DGKK: variants seen among roughly 807,000 people sequenced by gnomAD.
The protein encoded by DGKK is 142 kDa diacylglycerol kinase.
In DGKK, 35 loss-of-function variants were observed where a neutral mutation model predicts 92.2. That is an observed-to-expected ratio of 0.38 (90% CI 0.29 to 0.50). The LOEUF is 0.50. Among genes scored for constraint, DGKK ranks in the 20% least tolerant of loss-of-function variants. The pLI, the probability that DGKK is intolerant of heterozygous loss-of-function variation, is 0.92. For missense variants in DGKK, 910 were observed against 992.2 expected, an observed-to-expected ratio of 0.92 and a Z score of 1.11; for synonymous variants, 368 against 360.6, an observed-to-expected ratio of 1.02 and a Z score of -0.23.
intron 1 of DGKK, among the ~76,000 whole-genome samples, chrX:50,452,590 AC>A (rs1557232555): frequency 8.9e-6 from 1 of 111,904 alleles, no homozygotes; most frequent in Admixed American, 9.5e-5. Flanking sequence ...TTGTTAAAAA[AC>A]AGTAGTAAGC....
At chrX:50,401,802 C>A (rs1209230638) in intron 7 of DGKK, among the ~76,000 whole-genome samples, 1 of 110,859 alleles carries the variant, frequency 9.0e-6, no homozygotes, top group African/African-American at 3.3e-5. Context: ...GCCCATACTT[C>A]AGTTTCTTCT....
intron 1 of DGKK, 135 bp downstream of exon 1, chrX:50,469,899 C>T (rs1055252511): frequency 3.9e-5 from 41 of 1,050,172 alleles, no homozygotes; most frequent in Admixed American, 8.0e-5. Context: ...TTCCCCATCC[C>T]TGCATCTTTC....
At position 50,384,833 on chromosome X, in the gene DGKK, A is replaced by G; in HGVS notation, c.2348-9T>C. 1 of 1,178,741 alleles carries G rather than the reference A, an allele frequency of 8.5e-7. No homozygotes were observed. The highest frequency in any genetic ancestry group is 1.9e-5 in the South Asian group (1 of 53,319). Reference sequence around the variant, plus strand: ...GCTTTCCTCATCCAGAGCTATAGAGAAAAGTGGGAGGAAGGAAAGCAAAAA... The same window carrying G: ...GCTTTCCTCATCCAGAGCTATAGAGGAAAGTGGGAGGAAGGAAAGCAAAAA... On this transcript the variant is annotated splice_polypyrimidine_tract_variant and intron_variant, in intron 15 of 27. Transcript: ENST00000611977.
At chrX:50,442,976 A>T (rs1411261629) in intron 1 of DGKK, among the ~76,000 whole-genome samples, 1 of 111,523 alleles carries the variant, frequency 9.0e-6, no homozygotes, top group Admixed American at 9.5e-5. Context: ...ATGGCCACTT[A>T]CTTCATGGCT....
chrX:50,373,061 A>G (rs1431045232), intron 25 of DGKK, among the ~76,000 whole-genome samples: 6 of 111,903 alleles, frequency 5.4e-5, no homozygotes, highest in African/African-American at 1.9e-4. Flanking sequence ...GTGCCGACAA[A>G]TAATGTTTTT....
rs781903574 is a variant in DGKK at position 50,405,527 on chromosome X, GGAGAGAGAGA to G, written c.943-1353_943-1344del. Among the ~76,000 whole-genome samples, 15 of 100,983 alleles carry G rather than the reference GGAGAGAGAGA, an allele frequency of 1.5e-4. No homozygotes were observed. The East Asian group carries it at 3.1e-3, about 21-fold the overall frequency. The allele number at this position is 100,983 out of a possible 115,157, so 87.7% of individuals were successfully genotyped here. On this transcript the variant is annotated intron_variant, in intron 4 of 27. Coordinates refer to ENST00000611977, the MANE Select transcript of DGKK (RefSeq NM_001013742.4). ...TTTCTGACATCAGTTGACAGTGGGG[GGAGAGAGAGA>G]GAGAGAGAGAGAGAGAGAGAGCTAG...
intron 1 of DGKK, among the ~76,000 whole-genome samples, chrX:50,441,027 C>T (rs181362748): frequency 1.1e-3 from 118 of 111,496 alleles, no homozygotes; most frequent in African/African-American, 3.6e-3. Flanking sequence ...CTTTAGTGTT[C>T]CTAACTTGAT....
rs1215591530 is a variant in DGKK, at chrX:50,378,573, C to T, written c.2976+5G>A. The stretch of plus-strand genomic sequence containing the variant: ...CTTCCCAGTGCCCACCCAGCCCCTG[C>T]CTACCTGGGCAATGCGATGATGATG... On this transcript the variant is annotated splice_donor_5th_base_variant and intron_variant, in intron 21 of 27. Transcript: ENST00000611977. The T allele has an allele frequency of 2.5e-6, 3 of 1,195,169 alleles. No individual in the cohort carries two copies. The highest frequency in any genetic ancestry group is 3.4e-6 in the Non-Finnish European group (3 of 885,477).
intron 1 of DGKK, among the ~76,000 whole-genome samples, chrX:50,451,366 C>T (rs1332521847): frequency 9.0e-6 from 1 of 111,071 alleles, no homozygotes; most frequent in Non-Finnish European, 1.9e-5. Context: ...CATGAAAGGT[C>T]ACCATTCTTT....
chrX:50,408,528 G>A (rs988549249), intron 4 of DGKK, among the ~76,000 whole-genome samples: 16 of 109,914 alleles, frequency 1.5e-4, no homozygotes, highest in South Asian at 4.0e-4. Flanking sequence ...ACAGGCGCCC[G>A]CCACCACGCC....
chrX:50,379,315 CAAAAAAAAAAA>C (rs1214871132), intron 20 of DGKK, among the ~76,000 whole-genome samples: 1 of 38,835 alleles, frequency 2.6e-5, no homozygotes, highest in Non-Finnish European at 4.8e-5. Flanking sequence ...GACTCCGTTT[CAAAAAAAAAAA>C]AAAAAAAAAA....
intron 1 of DGKK, among the ~76,000 whole-genome samples, chrX:50,460,192 A>C (rs782658730): frequency 3.2e-3 from 364 of 112,078 alleles, no homozygotes; most frequent in Middle Eastern, 9.1e-3. Context: ...TCTGGGTTTC[A>C]AGTCTCTTTA....
Position 50,393,099 on chromosome X carries a change from T to C in DGKK, c.1595+53A>G, listed in dbSNP as rs1475939351. On this transcript the variant is annotated intron_variant, in intron 9 of 27. Transcript: ENST00000611977. ...GAAGCCTGTTTTAGTTTAGAATGTA[T>C]AGAAGGAAGACTCCCTTACATACCC... 11 of 1,017,544 alleles carry C rather than the reference T, an allele frequency of 1.1e-5. No homozygotes were observed. The African/African-American group carries it at 1.7e-4, about 16-fold the overall frequency. The allele number at this position is 1,017,544 out of a possible 1,213,427, so 83.9% of individuals were successfully genotyped here. A position where few individuals can be genotyped will look rare whatever the true frequency, so the allele number is the denominator to read the frequency against.
At chrX:50,371,265 A>G (rs1251710278) in intron 26 of DGKK, among the ~76,000 whole-genome samples, 1 of 111,623 alleles carries the variant, frequency 9.0e-6, no homozygotes, top group Non-Finnish European at 1.9e-5. Context: ...GAGAGGTAAT[A>G]TTTGGAAGAT....
chrX:50,411,448 CGAA>C (rs1569544671), intron 4 of DGKK, among the ~76,000 whole-genome samples: 1 of 111,650 alleles, frequency 9.0e-6, no homozygotes, highest in African/African-American at 3.3e-5. Context: ...TATCAACAAA[CGAA>C]GAATTCAAAT....
At position 50,439,637 on chromosome X, in the gene DGKK, A is replaced by G. The variant is rs1926119430; in HGVS notation, c.646-15279T>C. On this transcript the variant is annotated intron_variant, in intron 1 of 27. Transcript: ENST00000611977. Reference sequence around the variant, plus strand: ...CCCCAAATTTGGAAGCATAATTTACATATAAATAGTCCAAGCCCAGAAGGA... The same window carrying G: ...CCCCAAATTTGGAAGCATAATTTACGTATAAATAGTCCAAGCCCAGAAGGA... Among the ~76,000 whole-genome samples, 3 of 111,237 alleles carry G rather than the reference A, an allele frequency of 2.7e-5. No individual in the cohort carries two copies. The Admixed American group carries it at 2.9e-4, about 11-fold the overall frequency.
chrX:50,375,305 T>G (rs1557223716), intron 24 of DGKK, among the ~76,000 whole-genome samples: 2 of 111,851 alleles, frequency 1.8e-5, no homozygotes, highest in African/African-American at 6.5e-5. Context: ...AGAGCACGGC[T>G]TGGCTTTGGC....
At chrX:50,404,249 G>C in intron 4 of DGKK, 65 bp from the exon 5 acceptor site, 1 of 1,125,431 alleles carries the variant, frequency 8.9e-7, no homozygotes, top group Non-Finnish European at 1.2e-6. Context: ...AAGAGGGCCT[G>C]AAAATCTGCT....
chrX:50,389,888 G>A (rs1924641858), intron 12 of DGKK, among the ~76,000 whole-genome samples: 1 of 111,202 alleles, frequency 9.0e-6, no homozygotes, highest in Non-Finnish European at 1.9e-5. Flanking sequence ...AGTATCTTGT[G>A]AAATGGCACT....
Sources: gnomAD v4.1 joint callset for allele counts (sites outside exome capture counted in the v4.1 genomes callset) on GRCh38, gnomAD v4.1.1 for gene constraint, MANE v1.5 for transcripts, NCBI Gene and HGNC (gene_info 2026-07-23, HGNC 2026-07-21) for gene names.